SH3KBP1: variants seen among roughly 807,000 people sequenced by gnomAD.
SH3KBP1 encodes SH3 domain-containing kinase-binding protein 1.
A neutral mutation model predicts 50.1 loss-of-function variants in SH3KBP1; 8 were observed. That is an observed-to-expected ratio of 0.16 (90% CI 0.09 to 0.29). SH3KBP1 has a LOEUF of 0.29. Ranked by LOEUF, SH3KBP1 falls within the 10% of genes least tolerant of loss-of-function variation. The pLI, the probability that SH3KBP1 is intolerant of heterozygous loss-of-function variation, is 1.00. For missense variants in SH3KBP1, 377 were observed against 535.2 expected (o/e 0.70, Z 2.92); for synonymous variants, 227 against 218.6 (o/e 1.04, Z -0.34).
At chrX:19,772,088 GA>G (rs998251019) in intron 2 of SH3KBP1, among the ~76,000 whole-genome samples, 1 of 109,969 alleles carries the variant, frequency 9.1e-6, no homozygotes, top group African/African-American at 3.3e-5. Flanking sequence ...CATTATTTAA[GA>G]AAAAAAATAC....
At chrX:19,597,484 C>T (rs1421759647) in intron 9 of SH3KBP1, among the ~76,000 whole-genome samples, 1 of 111,573 alleles carries the variant, frequency 9.0e-6, no homozygotes, top group South Asian at 3.8e-4. Flanking sequence ...TGCAATGGTG[C>T]GATCATGGCT....
chrX:19,551,268 A>G (rs912431110), intron 13 of SH3KBP1, among the ~76,000 whole-genome samples: 35 of 111,566 alleles, frequency 3.1e-4, no homozygotes, highest in Admixed American at 1.2e-3. Flanking sequence ...AAGGTTAACC[A>G]TCCGCAGAGA....
chrX:19,730,742 C>T, intron 3 of SH3KBP1, among the ~76,000 whole-genome samples: 1 of 111,466 alleles, frequency 9.0e-6, no homozygotes, highest in South Asian at 3.7e-4. Context: ...TGCATAATCA[C>T]ATAGTCCAAA....
chrX:19,706,974 C>G lies in SH3KBP1; in HGVS notation c.297G>C (p.Arg99=). Residue 99 remains arginine, a synonymous_variant, in exon 4 of 18, where the codon CGG becomes CGC. Coordinates refer to ENST00000397821, the MANE Select transcript of SH3KBP1 (RefSeq NM_031892.3). ...ILRTNKRGER[R]RRRCQVAFSY... is the part of the protein sequence containing the mutation. The stretch of plus-strand genomic sequence containing the variant: ...TGAATGCCACCTGGCACCGGCGCCT[C>G]CGTCGCTCGCCTGGATGGGAAAAGC... 1 of 1,208,157 alleles carries G rather than the reference C, an allele frequency of 8.3e-7. No homozygotes were observed. The highest frequency in any genetic ancestry group is 1.1e-6 in the Non-Finnish European group (1 of 892,141).
intron 3 of SH3KBP1, among the ~76,000 whole-genome samples, chrX:19,720,763 A>T (rs992470030): frequency 2.7e-5 from 3 of 111,303 alleles, no homozygotes; most frequent in Non-Finnish European, 5.7e-5. Context: ...AGGAGAGGAG[A>T]AAAAAAGACA....
chrX:19,691,491 T>A (rs922474178), intron 5 of SH3KBP1, among the ~76,000 whole-genome samples: 2 of 106,426 alleles, frequency 1.9e-5, no homozygotes, highest in Non-Finnish European at 3.9e-5. Flanking sequence ...AGACCCCAGA[T>A]CTAATGATCA....
chrX:19,645,179 C>T (rs1030255708), intron 7 of SH3KBP1, among the ~76,000 whole-genome samples: 5 of 111,866 alleles, frequency 4.5e-5, no homozygotes, highest in Non-Finnish European at 7.5e-5. Context: ...GAGAGAACCA[C>T]GTTCTGTAAT....
At position 19,535,834 on chromosome X, in the gene SH3KBP1, T is replaced by C. The variant is rs1347626544; in HGVS notation, c.*583A>G. On this transcript the variant is annotated 3_prime_UTR_variant, in exon 18 of 18. Coordinates refer to ENST00000397821, the MANE Select transcript of SH3KBP1 (RefSeq NM_031892.3). ...CTCTTTTTGTAAATATACCGTCATA[T>C]ATAAGCTAAAATTTCTCTTAGGGTG... 1 of 111,903 alleles carries C rather than the reference T, an allele frequency of 8.9e-6. No homozygotes were observed. Among genetic ancestry groups the C allele is most frequent in the Non-Finnish European group, 1.9e-5 (1 of 53,184 alleles). The allele number at this position is 111,903 out of a possible 1,213,427, so 9.2% of individuals were successfully genotyped here.
intron 3 of SH3KBP1, chrX:19,740,960 A>C (rs1440714925): frequency 7.3e-6 from 1 of 136,423 alleles, no homozygotes; most frequent in African/African-American, 3.1e-5. Context: ...CCAGTGCTGA[A>C]ACTATGAGAA....
At position 19,781,415 on chromosome X, in the gene SH3KBP1, C is replaced by G. The variant is rs747141070; in HGVS notation, c.163-34974G>C. On this transcript the variant is annotated intron_variant, in intron 2 of 17. Coordinates refer to ENST00000397821, the MANE Select transcript of SH3KBP1 (RefSeq NM_031892.3). ...GGAGGATCGCTTAAGTACAAGAGTT[C>G]TAGACCAGCCTAGGCAACATAGTGA... Among the ~76,000 whole-genome samples the G allele has an allele frequency of 3.6e-5, 4 of 110,424 alleles. No homozygotes were observed. The East Asian group carries it at 1.1e-3, about 31-fold the overall frequency.
At chrX:19,668,376 G>A (rs1346489298) in intron 6 of SH3KBP1, among the ~76,000 whole-genome samples, 3 of 107,425 alleles carry the variant, frequency 2.8e-5, no homozygotes, top group East Asian at 5.9e-4. Flanking sequence ...GTGTGGTGGC[G>A]GGCGCCTATA....
At chrX:19,708,107 A>T (rs1395085436) in intron 3 of SH3KBP1, among the ~76,000 whole-genome samples, 1 of 113,122 alleles carries the variant, frequency 8.8e-6, no homozygotes, top group East Asian at 2.8e-4. Context: ...TGAGAAAGGA[A>T]GTCCATGCAG....
intron 4 of SH3KBP1, among the ~76,000 whole-genome samples, chrX:19,702,124 T>C (rs1464929217): frequency 1.8e-5 from 2 of 112,350 alleles, no homozygotes; most frequent in African/African-American, 6.5e-5. Flanking sequence ...TATTTTATAT[T>C]AATGTTATCT....
chrX:19,645,241 C>A (rs2061963795), intron 7 of SH3KBP1, among the ~76,000 whole-genome samples, 159 bp downstream of exon 7: 2 of 112,180 alleles, frequency 1.8e-5, no homozygotes, highest in Admixed American at 9.4e-5. Flanking sequence ...CCTGTGCCCA[C>A]CCTAATGGTG....
At chrX:19,842,113 G>A (rs2068238197) in intron 1 of SH3KBP1, among the ~76,000 whole-genome samples, 1 of 112,049 alleles carries the variant, frequency 8.9e-6, no homozygotes. Flanking sequence ...TCTTTTTGGG[G>A]TGACGGAAAT....
chrX:19,692,665 GTGTGTA>G (rs1457002071), intron 5 of SH3KBP1, among the ~76,000 whole-genome samples: 9 of 73,461 alleles, frequency 1.2e-4, no homozygotes, highest in South Asian at 1.0e-3. Context: ...GTGTGTGTGT[GTGTGTA>G]TGTATATATA....
At chrX:19,595,074 T>C in intron 9 of SH3KBP1, 74 bp from the exon 10 acceptor site, 1 of 753,805 alleles carries the variant, frequency 1.3e-6, no homozygotes, top group South Asian at 2.1e-5. Context: ...ACCACAGACA[T>C]TGTTTTCTAT....
At chrX:19,887,160 G>A (rs926069135) in intron 1 of SH3KBP1, 147 bp downstream of exon 1, 10 of 436,142 alleles carry the variant, frequency 2.3e-5, no homozygotes, top group African/African-American at 7.9e-5. Context: ...GTGAATGGGG[G>A]TGCGCGAGGC....
intron 3 of SH3KBP1, among the ~76,000 whole-genome samples, chrX:19,731,087 G>A (rs896460265): frequency 3.6e-5 from 4 of 111,036 alleles, no homozygotes; most frequent in Admixed American, 9.5e-5. Context: ...TTACAGGCAT[G>A]TGTCACCACG....
Sources: gnomAD v4.1 joint callset for allele counts (sites outside exome capture counted in the v4.1 genomes callset) on GRCh38, gnomAD v4.1.1 for gene constraint, MANE v1.5 for transcripts, NCBI Gene and HGNC (gene_info 2026-07-23, HGNC 2026-07-21) for gene names.